Variants in FAM135B observed in about 807,000 individuals in gnomAD.
FAM135B encodes protein FAM135B.
FAM135B carries 43 observed loss-of-function variants against 127.7 expected under a neutral mutation model. The ratio of observed to expected loss-of-function variants is 0.34; its 90% CI spans 0.26 to 0.43. The LOEUF (loss-of-function observed/expected upper bound fraction) is 0.43, where lower values mean the gene tolerates loss of function less well. FAM135B is among the 20% of genes least tolerant of loss of function. The probability of loss-of-function intolerance (pLI) is 1.00; values close to 1 mark genes in which losing one functional copy is unlikely to be tolerated. For synonymous variants in FAM135B, 670 were observed against 665.1 expected (o/e 1.01, Z -0.11); for missense variants, 1,558 against 1,725.6 (o/e 0.90, Z 1.72).
intron 3 of FAM135B, among the ~76,000 whole-genome samples, chr8:138,281,489 G>A (rs1824261176): frequency 6.6e-6 from 1 of 151,604 alleles, no homozygotes; most frequent in Non-Finnish European, 1.5e-5. Context: ...TCCTATTGAG[G>A]TAAATAGTGT....
At chr8:138,312,384 T>C (rs1826756559) in intron 2 of FAM135B, among the ~76,000 whole-genome samples, 1 of 152,128 alleles carries the variant, frequency 6.6e-6, no homozygotes, top group Non-Finnish European at 1.5e-5. Context: ...ATGAAGATGC[T>C]TCAAGGTAGA....
At position 138,380,273 on chromosome 8, in the gene FAM135B, C is replaced by T. The variant is rs1831765091; in HGVS notation, c.-19-12271G>A. 2.0e-5 allele frequency among the ~76,000 whole-genome samples: 3 copies of T among 152,106 alleles called. No homozygotes were observed. The South Asian group carries it at 6.2e-4, about 32-fold the overall frequency. ...AGCGTAGTGGTGCGATCTTGGCTCACAGCAACCTCCGCCTCCTGGGCTTAA... is the reference window on the plus strand; with the variant it reads ...AGCGTAGTGGTGCGATCTTGGCTCATAGCAACCTCCGCCTCCTGGGCTTAA... On this transcript the variant is annotated intron_variant, in intron 1 of 19. Transcript: ENST00000395297.
chr8:138,403,584 T>C (rs555158571), intron 1 of FAM135B, among the ~76,000 whole-genome samples: 1 of 152,346 alleles, frequency 6.6e-6, no homozygotes, highest in East Asian at 1.9e-4. Flanking sequence ...ATCTCTGCTC[T>C]GCAGATAAGA....
chr8:138,422,791 T>C (rs1023293371), intron 1 of FAM135B, among the ~76,000 whole-genome samples: 1 of 152,228 alleles, frequency 6.6e-6, no homozygotes, highest in Admixed American at 6.5e-5. Flanking sequence ...TAAATTGTTC[T>C]ACTGTAAAGA....
chr8:138,326,632 A>G (rs1043831143), intron 2 of FAM135B, among the ~76,000 whole-genome samples: 1 of 152,144 alleles, frequency 6.6e-6, no homozygotes, highest in Non-Finnish European at 1.5e-5. Flanking sequence ...TGAAAAGCAA[A>G]ACAACTCACA....
chr8:138,397,112 C>T lies in FAM135B; in HGVS notation c.-19-29110G>A, dbSNP rs143637320. 3.0e-3 allele frequency among the ~76,000 whole-genome samples: 459 copies of T among 152,266 alleles called. 4 individuals are homozygous for T. Among genetic ancestry groups the T allele is most frequent in the Non-Finnish European group, 5.4e-3 (367 of 68,020 alleles). On this transcript the variant is annotated intron_variant, in intron 1 of 19. Coordinates refer to ENST00000395297, the MANE Select transcript of FAM135B (RefSeq NM_015912.4). ...TCCCAGTCCTGAGCTGCCCAAGAAC[C>T]GGATGAGCTGCTTTAGTAGATTCAG...
At chr8:138,271,707 A>G (rs1176235078) in intron 3 of FAM135B, among the ~76,000 whole-genome samples, 1 of 152,194 alleles carries the variant, frequency 6.6e-6, no homozygotes, top group Non-Finnish European at 1.5e-5. Context: ...GCGGCAAATT[A>G]TGTAAAACAA....
At chr8:138,355,526 C>G (rs1342651073) in intron 2 of FAM135B, among the ~76,000 whole-genome samples, 1 of 152,136 alleles carries the variant, frequency 6.6e-6, no homozygotes, top group Admixed American at 6.5e-5. Flanking sequence ...ATGATCACTT[C>G]TGAGGACTCT....
intron 12 of FAM135B, among the ~76,000 whole-genome samples, chr8:138,165,915 C>T (rs1819870089): frequency 6.6e-6 from 1 of 152,178 alleles, no homozygotes; most frequent in Admixed American, 6.5e-5. Context: ...CAAGGTTGCA[C>T]TGCCCTTGGA....
chr8:138,476,905 T>C (rs975229453), intron 1 of FAM135B, among the ~76,000 whole-genome samples: 25 of 152,224 alleles, frequency 1.6e-4, no homozygotes, highest in Admixed American at 4.6e-4. Context: ...AGATACCTGA[T>C]GAAGATTCCT....
chr8:138,467,255 C>T (rs935494191), intron 1 of FAM135B, among the ~76,000 whole-genome samples: 1 of 152,116 alleles, frequency 6.6e-6, no homozygotes, highest in Non-Finnish European at 1.5e-5. Flanking sequence ...ATGAACAGAA[C>T]AAGAACCTTT....
At chr8:138,164,344 T>G (rs371011249) in intron 12 of FAM135B, among the ~76,000 whole-genome samples, 38 of 152,222 alleles carry the variant, frequency 2.5e-4, no homozygotes, top group African/African-American at 9.1e-4. Context: ...AGTGACTGCC[T>G]TTGTTCTTCC....
At chr8:138,315,099 AT>A (rs1239111475) in intron 2 of FAM135B, among the ~76,000 whole-genome samples, 1 of 152,130 alleles carries the variant, frequency 6.6e-6, no homozygotes, top group Non-Finnish European at 1.5e-5. Flanking sequence ...GTATAAGAAA[AT>A]CATGCAACTC....
intron 1 of FAM135B, among the ~76,000 whole-genome samples, chr8:138,463,920 G>A (rs1208079043): frequency 6.6e-6 from 1 of 152,052 alleles, no homozygotes; most frequent in African/African-American, 2.4e-5. Context: ...ACATGTATAG[G>A]GCACTTAAAA....
chr8:138,426,717 G>A (rs1834909949), intron 1 of FAM135B, among the ~76,000 whole-genome samples: 1 of 151,718 alleles, frequency 6.6e-6, no homozygotes, highest in Non-Finnish European at 1.5e-5. Flanking sequence ...ACAGGATTAA[G>A]ATATTATTAT....
intron 7 of FAM135B, among the ~76,000 whole-genome samples, chr8:138,199,338 T>C (rs1816922219): frequency 6.6e-6 from 1 of 152,184 alleles, no homozygotes; most frequent in Non-Finnish European, 1.5e-5. Flanking sequence ...GAGACTGTCT[T>C]AGGTGAGAGA....
intron 3 of FAM135B, among the ~76,000 whole-genome samples, chr8:138,309,606 T>G (rs936338387): frequency 1.3e-5 from 2 of 152,172 alleles, no homozygotes; most frequent in African/African-American, 4.8e-5. Context: ...CATGGTAAAT[T>G]TAAGCAGACC....
intron 1 of FAM135B, among the ~76,000 whole-genome samples, chr8:138,424,436 A>G (rs905794803): frequency 2.0e-5 from 3 of 152,188 alleles, no homozygotes; most frequent in Non-Finnish European, 2.9e-5. Flanking sequence ...ATGTAGATGT[A>G]TATATCTTCA....
chr8:138,150,018 T>A (rs549526106), intron 13 of FAM135B, among the ~76,000 whole-genome samples: 1 of 152,344 alleles, frequency 6.6e-6, no homozygotes, highest in South Asian at 2.1e-4. Context: ...AATCCAATGT[T>A]TACCTGCCTG....
Sources: gnomAD v4.1 joint callset for allele counts (sites outside exome capture counted in the v4.1 genomes callset) on GRCh38, gnomAD v4.1.1 for gene constraint, MANE v1.5 for transcripts, NCBI Gene and HGNC (gene_info 2026-07-23, HGNC 2026-07-21) for gene names.